The following LRRTM3 variants were observed in gnomAD, a reference collection of about 807,000 sequenced individuals.
The protein encoded by LRRTM3 is leucine rich repeat transmembrane neuronal 3.
A neutral mutation model predicts 44.7 loss-of-function variants in LRRTM3; 24 were observed. The observed-to-expected ratio is 0.54, with a 90% CI of 0.39 to 0.76. The LOEUF (loss-of-function observed/expected upper bound fraction) is 0.76, where lower values mean the gene tolerates loss of function less well. LRRTM3 is among the 30% of genes least tolerant of loss of function. The pLI, the probability that LRRTM3 is intolerant of heterozygous loss-of-function variation, is 0.00. For synonymous variants in LRRTM3, 277 were observed against 278.7 expected (o/e 0.99, Z 0.06); for missense variants, 587 against 702.2 (o/e 0.84, Z 1.85).
At chr10:67,026,658 A>T (rs1039172453) in intron 2 of LRRTM3, among the ~76,000 whole-genome samples, 1 of 152,154 alleles carries the variant, frequency 6.6e-6, no homozygotes, top group African/African-American at 2.4e-5. Context: ...CCTGGGAGGA[A>T]ACCAATTTCT....
At chr10:66,999,349 C>T (rs938196312) in intron 2 of LRRTM3, among the ~76,000 whole-genome samples, 6 of 152,038 alleles carry the variant, frequency 3.9e-5, no homozygotes, top group African/African-American at 9.7e-5. Context: ...TTCTGCCTAA[C>T]ATTTTCAAGA....
intron 2 of LRRTM3, among the ~76,000 whole-genome samples, chr10:67,013,727 AT>A (rs1453583904): frequency 6.6e-6 from 1 of 152,106 alleles, no homozygotes. Flanking sequence ...TATAATCAAA[AT>A]TTTCCTTTAA....
chr10:67,019,503 C>T (rs1348085176), intron 2 of LRRTM3, among the ~76,000 whole-genome samples: 1 of 152,214 alleles, frequency 6.6e-6, no homozygotes, highest in Non-Finnish European at 1.5e-5. Context: ...CAGGCATGAG[C>T]CACCGTACCT....
chr10:67,002,205 T>A (rs923204591), intron 2 of LRRTM3, among the ~76,000 whole-genome samples: 2 of 152,196 alleles, frequency 1.3e-5, no homozygotes, highest in Non-Finnish European at 2.9e-5. Flanking sequence ...CAGAGTCGAA[T>A]GGGAAGCTTT....
At chr10:67,013,110 T>C (rs1459573268) in intron 2 of LRRTM3, 1 of 152,138 alleles carries the variant, frequency 6.6e-6, no homozygotes, top group East Asian at 1.9e-4. Context: ...CATCTTTCAT[T>C]TTCTACATGG....
intron 2 of LRRTM3, among the ~76,000 whole-genome samples, chr10:66,993,382 C>T (rs1240514820): frequency 1.3e-5 from 2 of 152,150 alleles, no homozygotes; most frequent in Admixed American, 6.6e-5. Flanking sequence ...GTAAAGTAGA[C>T]TGCACCTCTT....
intron 2 of LRRTM3, among the ~76,000 whole-genome samples, chr10:67,019,210 AATTTT>A (rs1366706461): frequency 2.0e-5 from 3 of 151,884 alleles, no homozygotes; most frequent in Admixed American, 2.0e-4. Flanking sequence ...TTCTTTTTTT[AATTTT>A]ATTTTATTAT....
Position 67,036,554 on chromosome 10 carries a change from G to C in LRRTM3, c.1537-61033G>C, listed in dbSNP as rs182711105. 5.7e-3 allele frequency among the ~76,000 whole-genome samples: 864 copies of C among 152,070 alleles called. 26 individuals carry two copies. The highest frequency in any genetic ancestry group is 0.046 in the Admixed American group (707 of 15,258). Reference sequence around the variant, plus strand: ...TGGCAGCTTTTTAAAAAAATTTTTGGTAGAGACAAGGTCTCCATGTTGCCC... The same window carrying C: ...TGGCAGCTTTTTAAAAAAATTTTTGCTAGAGACAAGGTCTCCATGTTGCCC... On this transcript the variant is annotated intron_variant, in intron 2 of 2. Transcript: ENST00000361320.
chr10:67,027,418 CT>C (rs1215556346), intron 2 of LRRTM3, among the ~76,000 whole-genome samples: 4 of 145,288 alleles, frequency 2.8e-5, no homozygotes, highest in African/African-American at 2.5e-5. Flanking sequence ...AATGACTTGC[CT>C]TTTTTTTCTT....
intron 2 of LRRTM3, among the ~76,000 whole-genome samples, chr10:67,062,768 T>C (rs1213314100): frequency 6.6e-6 from 1 of 152,152 alleles, no homozygotes; most frequent in Non-Finnish European, 1.5e-5. Flanking sequence ...TTGATTCTGC[T>C]AATGAGGTAC....
intron 2 of LRRTM3, among the ~76,000 whole-genome samples, chr10:66,986,447 A>G (rs2132910099): frequency 6.6e-6 from 1 of 152,284 alleles, no homozygotes; most frequent in South Asian, 2.1e-4. Context: ...CAATAAGCCA[A>G]GATTTCACCA....
intron 2 of LRRTM3, among the ~76,000 whole-genome samples, chr10:66,986,418 A>C (rs1850731452): frequency 6.6e-6 from 1 of 152,010 alleles, no homozygotes; most frequent in African/African-American, 2.4e-5. Context: ...AATCGCTTGA[A>C]CCCAGTAGGC....
Position 66,927,595 on chromosome 10 carries a change from A to G in LRRTM3, c.679A>G (p.Arg227Gly). ...FSKLNLALFP[R>G]LVSLQNLYLQ... ...CAAGCTCAACCTGGCCCTTTTTCCA[A>G]GGTTGGTCAGCCTTCAGAACCTTTA... Residue 227 changes from arginine to glycine, a missense_variant, in exon 2 of 3, where the codon AGG becomes GGG. By Grantham distance (125) the Arg-to-Gly change is moderately radical (BLOSUM62 -2). Transcript: ENST00000361320. The surrounding 1 kb of genome is among the most constrained non-coding windows in gnomAD (Gnocchi z 4.7). 6.2e-7 allele frequency: 1 copy of G among 1,614,152 alleles called. No individual in the cohort carries two copies. Among genetic ancestry groups the G allele is most frequent in the Non-Finnish European group, 8.5e-7 (1 of 1,180,028 alleles).
chr10:66,943,684 C>T (rs921838889), intron 2 of LRRTM3, among the ~76,000 whole-genome samples: 1 of 152,046 alleles, frequency 6.6e-6, no homozygotes, highest in African/African-American at 2.4e-5. Flanking sequence ...TACTTTTGTA[C>T]AGCAGGGGAA....
intron 2 of LRRTM3, among the ~76,000 whole-genome samples, chr10:66,991,182 C>T (rs1412456609): frequency 6.6e-6 from 1 of 152,058 alleles, no homozygotes; most frequent in Non-Finnish European, 1.5e-5. Flanking sequence ...TTCAAACATT[C>T]AGGGAAGTAA....
chr10:67,002,667 C>G (rs544859674), intron 2 of LRRTM3, among the ~76,000 whole-genome samples: 4 of 152,144 alleles, frequency 2.6e-5, no homozygotes, highest in Admixed American at 1.3e-4. Flanking sequence ...TTTCAGGATG[C>G]CTACTTGTTT....
At chr10:66,962,576 A>AT (rs961132721) in intron 2 of LRRTM3, among the ~76,000 whole-genome samples, 9 of 150,516 alleles carry the variant, frequency 6.0e-5, no homozygotes, top group Non-Finnish European at 1.3e-4. Flanking sequence ...CACCCAGATA[A>AT]TTTTTTTTCT....
At chr10:67,025,446 G>A (rs967477219) in intron 2 of LRRTM3, among the ~76,000 whole-genome samples, 1 of 151,908 alleles carries the variant, frequency 6.6e-6, no homozygotes, top group Non-Finnish European at 1.5e-5. Flanking sequence ...TAAGTACAAT[G>A]CTTGGGAAAA....
At chr10:67,004,805 T>C (rs1256968634) in intron 2 of LRRTM3, among the ~76,000 whole-genome samples, 5 of 152,214 alleles carry the variant, frequency 3.3e-5, no homozygotes, top group African/African-American at 1.2e-4. Flanking sequence ...TGCAAGTTTC[T>C]TGTTTCTGAT....
Sources: allele counts gnomAD v4.1 joint callset (sites outside exome capture counted in the v4.1 genomes callset), GRCh38; gene constraint gnomAD v4.1.1; non-coding constraint Gnocchi (gnomAD v3.1); transcripts MANE v1.5; gene names NCBI Gene and HGNC (gene_info 2026-07-23, HGNC 2026-07-21).